Variants in ADCY2 observed in about 807,000 individuals in gnomAD.
ADCY2 encodes adenylate cyclase 2.
ADCY2 carries 31 observed loss-of-function variants against 125.2 expected under a neutral mutation model. That is an observed-to-expected ratio of 0.25 (90% CI 0.19 to 0.33). The LOEUF is 0.33. Ranked by LOEUF, ADCY2 falls within the 10% of genes least tolerant of loss-of-function variation. ADCY2 has a pLI of 1.00. For missense variants in ADCY2, 904 were observed against 1,418.2 expected (o/e 0.64, Z 5.82); for synonymous variants, 512 against 548.4 (o/e 0.93, Z 0.93).
chr5:7,708,329 T>C (rs1160445484), intron 9 of ADCY2, among the ~76,000 whole-genome samples: 1 of 152,218 alleles, frequency 6.6e-6, no homozygotes, highest in African/African-American at 2.4e-5. Context: ...ATTGTCTGTA[T>C]GCACAAGCAT....
At chr5:7,813,870 C>T (rs1745017709) in intron 22 of ADCY2, among the ~76,000 whole-genome samples, 1 of 152,186 alleles carries the variant, frequency 6.6e-6, no homozygotes, top group South Asian at 2.1e-4. Flanking sequence ...TTCTCCATGG[C>T]AAATATGTCC....
chr5:7,658,637 GA>G (rs1437556528), intron 4 of ADCY2, among the ~76,000 whole-genome samples: 2 of 152,114 alleles, frequency 1.3e-5, no homozygotes, highest in African/African-American at 4.8e-5. Context: ...TAAGGAAGCA[GA>G]AGGATTAAAT....
chr5:7,684,249 C>T (rs970898929), intron 4 of ADCY2, among the ~76,000 whole-genome samples: 2 of 152,236 alleles, frequency 1.3e-5, no homozygotes, highest in African/African-American at 4.8e-5. Context: ...TATGCTTGCT[C>T]AGGCTTTGCA....
intron 2 of ADCY2, among the ~76,000 whole-genome samples, chr5:7,445,925 A>T (rs1044292967): frequency 6.6e-6 from 1 of 152,134 alleles, no homozygotes; most frequent in African/African-American, 2.4e-5. Flanking sequence ...GCATATAAAG[A>T]TTGTTTTATG....
At chr5:7,630,891 G>C (rs375265894) in intron 4 of ADCY2, among the ~76,000 whole-genome samples, 1 of 150,590 alleles carries the variant, frequency 6.6e-6, no homozygotes, top group Non-Finnish European at 1.5e-5. Flanking sequence ...GGGCTCAACA[G>C]ATCCTCCCAC....
chr5:7,466,213 T>G (rs1742111072), intron 2 of ADCY2, among the ~76,000 whole-genome samples: 1 of 152,234 alleles, frequency 6.6e-6, no homozygotes. Flanking sequence ...TATATTTTTT[T>G]CTTAGTAAAA....
chr5:7,762,098 C>T (rs1743239632), intron 16 of ADCY2, among the ~76,000 whole-genome samples: 1 of 152,226 alleles, frequency 6.6e-6, no homozygotes, highest in African/African-American at 2.4e-5. Flanking sequence ...CCTTCCCCCA[C>T]TTTTCCTGTC....
intron 22 of ADCY2, among the ~76,000 whole-genome samples, chr5:7,809,415 A>C (rs1225218310): frequency 6.6e-6 from 1 of 152,352 alleles, no homozygotes; most frequent in South Asian, 2.1e-4. Context: ...TGCTAATATT[A>C]GTTACTTTTA....
At chr5:7,729,089 C>T (rs1192249115) in intron 14 of ADCY2, among the ~76,000 whole-genome samples, 1 of 152,150 alleles carries the variant, frequency 6.6e-6, no homozygotes, top group Non-Finnish European at 1.5e-5. Flanking sequence ...AAGGAAAATC[C>T]ACAGCCTCAT....
At chr5:7,758,690 TGAG>T (rs1381283807) in intron 16 of ADCY2, among the ~76,000 whole-genome samples, 6 of 150,394 alleles carry the variant, frequency 4.0e-5, no homozygotes, top group African/African-American at 1.5e-4. Flanking sequence ...CATTCTGAAA[TGAG>T]GAGGTGAAGG....
At chr5:7,737,814 C>A (rs1742292693) in intron 14 of ADCY2, among the ~76,000 whole-genome samples, 1 of 152,140 alleles carries the variant, frequency 6.6e-6, no homozygotes, top group Admixed American at 6.5e-5. Context: ...AAAGACATTA[C>A]ATACAAGGGA....
At chr5:7,436,283 C>T (rs549779768) in intron 2 of ADCY2, among the ~76,000 whole-genome samples, 2 of 152,206 alleles carry the variant, frequency 1.3e-5, no homozygotes, top group Non-Finnish European at 2.9e-5. Flanking sequence ...ATAACTACCT[C>T]GAGTAAAAAG....
At position 7,828,454 on chromosome 5, in the gene ADCY2, C is replaced by A. The variant is rs326174; in HGVS notation, c.*1583C>A. ...GATTAAACGAGGCAATGACTGTGAG[C>A]GAGCCTGGCAGGTGCCCCGTGGTAC... On this transcript the variant is annotated 3_prime_UTR_variant, in exon 25 of 25. Coordinates refer to ENST00000338316, the MANE Select transcript of ADCY2 (RefSeq NM_020546.3). 100,803 of 152,090 alleles carry A rather than the reference C, an allele frequency of 0.66. 34,378 individuals carry two copies. The highest frequency in any genetic ancestry group is 0.82 in the African/African-American group (34,012 of 41,498). 9.4% of individuals were successfully genotyped at this position (152,090 alleles called of 1,614,324 possible).
intron 1 of ADCY2, among the ~76,000 whole-genome samples, chr5:7,401,074 T>A (rs1739245701): frequency 6.6e-6 from 1 of 152,178 alleles, no homozygotes. Flanking sequence ...TTGGGAAAAT[T>A]GTTTAACCTA....
chr5:7,813,699 G>A (rs574260175), intron 22 of ADCY2, among the ~76,000 whole-genome samples: 2 of 152,308 alleles, frequency 1.3e-5, no homozygotes, highest in African/African-American at 4.8e-5. Flanking sequence ...ACTTACTGAT[G>A]TTGAATTAAA....
In ADCY2 at chr5:7,804,406, C is replaced by G. The variant is rs145021027; in HGVS notation, c.2776-179C>G. On this transcript the variant is annotated intron_variant, in intron 21 of 24. Coordinates refer to ENST00000338316, the MANE Select transcript of ADCY2 (RefSeq NM_020546.3). ...CTGTACTTTCCTCCAAGGACATGCGCTGTATGAAATACAAGAAGTTTTCAT... is the reference window on the plus strand; with the variant it reads ...CTGTACTTTCCTCCAAGGACATGCGGTGTATGAAATACAAGAAGTTTTCAT... Among the ~76,000 whole-genome samples, 187 of 152,334 alleles carry G rather than the reference C, an allele frequency of 1.2e-3. 1 individual carries two copies. Among genetic ancestry groups the G allele is most frequent in the African/African-American group, 4.4e-3 (182 of 41,580 alleles).
In ADCY2 at chr5:7,827,887, A is replaced by G. The variant is rs1480221213; in HGVS notation, c.*1016A>G. ...CTCCTGTCTCCAAGAATGTTTTGCT[A>G]GAGCTAACAGACATAGACTGCAAAA... On this transcript the variant is annotated 3_prime_UTR_variant, in exon 25 of 25. Transcript: ENST00000338316. 1 of 152,458 alleles carries G rather than the reference A, an allele frequency of 6.6e-6. No individual in the cohort carries two copies. Among genetic ancestry groups the G allele is most frequent in the Admixed American group, 6.5e-5 (1 of 15,286 alleles). The allele number at this position is 152,458 out of a possible 1,614,324, so 9.4% of individuals were successfully genotyped here.
chr5:7,644,727 C>T (rs1240848981), intron 4 of ADCY2, among the ~76,000 whole-genome samples: 1 of 152,088 alleles, frequency 6.6e-6, no homozygotes, highest in Non-Finnish European at 1.5e-5. Context: ...TTGGCTTTCA[C>T]TTTCTTTTCT....
intron 16 of ADCY2, among the ~76,000 whole-genome samples, chr5:7,764,258 G>T (rs2126470574): frequency 6.6e-6 from 1 of 152,312 alleles, no homozygotes; most frequent in South Asian, 2.1e-4. Flanking sequence ...TTAGTCTCCA[G>T]CTAGCTGTTG....
Sources: allele counts gnomAD v4.1 joint callset (sites outside exome capture counted in the v4.1 genomes callset), GRCh38; gene constraint gnomAD v4.1.1; transcripts MANE v1.5; gene names NCBI Gene and HGNC (gene_info 2026-07-23, HGNC 2026-07-21).